Variants in TNFRSF10D observed in about 807,000 individuals in gnomAD.
TNFRSF10D encodes the protein TNF receptor superfamily member 10d.
In TNFRSF10D, 28 loss-of-function variants were observed where a neutral mutation model predicts 42.1. The ratio of observed to expected loss-of-function variants is 0.66; its 90% CI spans 0.49 to 0.91. The LOEUF is 0.91. TNFRSF10D is among the 40% of genes least tolerant of loss of function. The pLI, the probability that TNFRSF10D is intolerant of heterozygous loss-of-function variation, is 0.00. For missense variants in TNFRSF10D, 503 were observed against 486.1 expected, an observed-to-expected ratio of 1.03 and a Z score of -0.33; for synonymous variants, 186 against 189.4, an observed-to-expected ratio of 0.98 and a Z score of 0.15.
At chr8:23,154,311 A>G (rs1234058677) in intron 2 of TNFRSF10D, among the ~76,000 whole-genome samples, 2 of 152,242 alleles carry the variant, frequency 1.3e-5, no homozygotes, top group African/African-American at 4.8e-5. Context: ...CATGGTGACT[A>G]CAGTTATTAA....
At chr8:23,148,345 G>T in intron 3 of TNFRSF10D, 93 bp downstream of exon 3, 2 of 833,854 alleles carry the variant, frequency 2.4e-6, no homozygotes, top group Non-Finnish European at 3.9e-6. Flanking sequence ...ACCAAGTTGG[G>T]CTAGAACTTG....
In TNFRSF10D at chr8:23,137,916, A is replaced by T; in HGVS notation, c.1115T>A (p.Leu372His). 3 of 1,614,172 alleles carry T rather than the reference A, an allele frequency of 1.9e-6. No individual in the cohort carries two copies. The highest frequency in any genetic ancestry group is 1.7e-6 in the Non-Finnish European group (2 of 1,180,034). The change falls in exon 9 of 9, where the codon CTC becomes CAC. Residue 372 changes from leucine to histidine, a missense_variant. Leu to His is a moderately conservative substitution (Grantham distance 99, BLOSUM62 -3). Coordinates refer to ENST00000312584, the MANE Select transcript of TNFRSF10D (RefSeq NM_003840.5). ...IQDQLVGSEK[L>H]FYEEDEAGSA... ...GCCTGCCTCATCTTCTTCATAAAAG[A>T]GCTTTTCGGAGCCCACCAGTTGGTC...
At chr8:23,144,382 T>C in intron 7 of TNFRSF10D, 68 bp downstream of exon 7, 4 of 1,536,240 alleles carry the variant, frequency 2.6e-6, no homozygotes, top group African/African-American at 1.4e-5. Flanking sequence ...GGCACTGCCA[T>C]GTCCCACTGT....
Position 23,163,878 on chromosome 8 carries a change from G to T in TNFRSF10D, c.58C>A (p.Pro20Thr). Residue 20 changes from proline (P) to threonine (T), a missense_variant, in exon 1 of 9, where the codon CCA (proline) becomes ACA (threonine). Transcript: ENST00000312584. ...GTTCCCGACGCTGTCCTGGCTCCTG[G>T]ATAGCGCCCTGCTCGAGCGCTCGAG... ...TASSARAGRYPGARTASGTRP... is the reference protein window; with the variant it reads ...TASSARAGRYTGARTASGTRP... 1.9e-6 allele frequency: 3 copies of T among 1,600,272 alleles called. No homozygotes were observed. The highest frequency in any genetic ancestry group is 2.6e-6 in the Non-Finnish European group (3 of 1,175,128).
At chr8:23,154,780 T>C in intron 2 of TNFRSF10D, 94 bp downstream of exon 2, 2 of 1,314,920 alleles carry the variant, frequency 1.5e-6, no homozygotes, top group Non-Finnish European at 2.1e-6. Context: ...TCACAATGCG[T>C]GCATATTTCC....
In TNFRSF10D at chr8:23,145,802, G is replaced by T; in HGVS notation, c.602C>A (p.Thr201Asn). 1 of 1,614,224 alleles carries T rather than the reference G, an allele frequency of 6.2e-7. No individual in the cohort carries two copies. Among genetic ancestry groups the T allele is most frequent in the South Asian group, 1.1e-5 (1 of 91,090 alleles). Reference sequence around the variant, plus strand: ...GGGAGAGGCAAGCATCCCCAGGATGGTGGTCACTGTCTCCTCCGCTGCTGG... The same window carrying T: ...GGGAGAGGCAAGCATCCCCAGGATGTTGGTCACTGTCTCCTCCGCTGCTGG... ...KTPAAEETVT[T>N]ILGMLASPYH... Residue 201 changes from threonine (T) to asparagine (N), a missense_variant, in exon 5 of 9, where the codon ACC becomes AAC. Transcript: ENST00000312584.
At chr8:23,150,039 A>G (rs187391629) in intron 2 of TNFRSF10D, among the ~76,000 whole-genome samples, 4 of 152,326 alleles carry the variant, frequency 2.6e-5, no homozygotes, top group African/African-American at 9.6e-5. Context: ...AAGTCTGGAA[A>G]CACATAGAGA....
Position 23,154,944 on chromosome 8 carries a change from G to A in TNFRSF10D, c.186C>T (p.Asp62=), listed in dbSNP as rs192105467. 5.6e-4 allele frequency: 900 copies of A among 1,612,504 alleles called. No homozygotes were observed. In the African/African-American group the frequency reaches 6.1e-3, roughly 11 times the overall value. Residue 62 remains aspartate, a synonymous_variant, in exon 2 of 9, where the codon GAC becomes GAT. Coordinates refer to ENST00000312584, the MANE Select transcript of TNFRSF10D (RefSeq NM_003840.5). The part of the protein sequence containing the change: ...RVDSATIPRQ[D]EVPQQTVAPQ... ...GGGCCACTGTCTGCTGGGGAACTTC[G>A]TCCTGCCGGGGGATGGTGGCAGAGT...
At chr8:23,157,243 A>G (rs1396045410) in intron 1 of TNFRSF10D, among the ~76,000 whole-genome samples, 9 of 151,800 alleles carry the variant, frequency 5.9e-5, no homozygotes, top group Non-Finnish European at 1.3e-4. Flanking sequence ...GTATTATTTC[A>G]CTCCGAGCAC....
intron 2 of TNFRSF10D, among the ~76,000 whole-genome samples, chr8:23,150,759 A>T (rs545033716): frequency 6.1e-3 from 922 of 152,224 alleles, no homozygotes; most frequent in African/African-American, 0.019. Flanking sequence ...ACAATATCTG[A>T]ACTAAGAAAA....
chr8:23,159,550 G>A (rs967346890), intron 1 of TNFRSF10D, among the ~76,000 whole-genome samples: 2 of 151,134 alleles, frequency 1.3e-5, no homozygotes, highest in African/African-American at 4.9e-5. Flanking sequence ...CTCTGTGCTA[G>A]GTAAAACTTG....
intron 2 of TNFRSF10D, among the ~76,000 whole-genome samples, chr8:23,149,154 A>T (rs569884120): frequency 6.8e-6 from 1 of 147,606 alleles, no homozygotes; most frequent in East Asian, 2.0e-4. Context: ...TGTGCCACTG[A>T]ACTCCAGCCT....
rs780408761 is a variant in TNFRSF10D at position 23,145,793 on chromosome 8, C to T, written c.611G>A (p.Gly204Glu). ...GTAGTGATAGGGAGAGGCAAGCATC[C>T]CCAGGATGGTGGTCACTGTCTCCTC... Reference protein sequence around the residue: ...AAEETVTTILGMLASPYHYLI... With the variant: ...AAEETVTTILEMLASPYHYLI... The change falls in exon 5 of 9, where the codon GGG (glycine) becomes GAG (glutamate). Residue 204 changes from glycine to glutamate, a missense_variant. Gly to Glu is a moderately conservative substitution (Grantham distance 98). Transcript: ENST00000312584. The T allele has an allele frequency of 1.9e-6, 3 of 1,614,090 alleles. No individual in the cohort carries two copies. The highest frequency in any genetic ancestry group is 2.5e-6 in the Non-Finnish European group (3 of 1,180,052).
intron 7 of TNFRSF10D, among the ~76,000 whole-genome samples, chr8:23,140,672 G>A (rs114068534): frequency 6.2e-3 from 938 of 152,192 alleles, no homozygotes; most frequent in African/African-American, 0.019. Flanking sequence ...CACGTGGACT[G>A]GTTTTTCCAG....
intron 7 of TNFRSF10D, 127 bp downstream of exon 7, chr8:23,144,323 G>C: frequency 9.0e-7 from 1 of 1,113,258 alleles, no homozygotes. Flanking sequence ...GTCCCCTGCA[G>C]TCCCCTGTCT....
At chr8:23,154,196 G>A (rs1801026672) in intron 2 of TNFRSF10D, among the ~76,000 whole-genome samples, 1 of 152,210 alleles carries the variant, frequency 6.6e-6, no homozygotes, top group African/African-American at 2.4e-5. Context: ...GTAGAATGGT[G>A]ATTACCAGCG....
intron 2 of TNFRSF10D, among the ~76,000 whole-genome samples, chr8:23,154,529 C>A (rs1379426469): frequency 2.0e-5 from 3 of 152,152 alleles, no homozygotes; most frequent in African/African-American, 7.2e-5. Context: ...TGCTTTTTAT[C>A]TACTTTTATT....
intron 7 of TNFRSF10D, among the ~76,000 whole-genome samples, chr8:23,141,996 GC>G (rs1800030642): frequency 6.6e-6 from 1 of 152,080 alleles, no homozygotes; most frequent in Non-Finnish European, 1.5e-5. Context: ...AATCTGCTGG[GC>G]GCGGTGGCTC....
chr8:23,154,350 A>G (rs1800246584), intron 2 of TNFRSF10D, among the ~76,000 whole-genome samples: 1 of 152,216 alleles, frequency 6.6e-6, no homozygotes, highest in Admixed American at 6.5e-5. Context: ...CCTGCCTTCT[A>G]TTCACAGGGA....
Sources: gnomAD v4.1 joint callset for allele counts (sites outside exome capture counted in the v4.1 genomes callset) on GRCh38, gnomAD v4.1.1 for gene constraint, MANE v1.5 for transcripts, NCBI Gene and HGNC (gene_info 2026-07-23, HGNC 2026-07-21) for gene names.